MECOM: variants seen among roughly 807,000 people sequenced by gnomAD.
MECOM encodes the protein MDS1 and EVI1 complex locus.
Under a neutral mutation model 116.3 loss-of-function variants are expected in MECOM, and 13 were observed. The observed-to-expected ratio is 0.11, with a 90% CI of 0.07 to 0.18. The LOEUF (loss-of-function observed/expected upper bound fraction) is 0.18, where lower values mean the gene tolerates loss of function less well. Ranked by LOEUF, MECOM falls within the 10% of genes least tolerant of loss-of-function variation. The pLI is 1.00. For synonymous variants in MECOM, 528 were observed against 535.2 expected (o/e 0.99, Z 0.19); for missense variants, 1,299 against 1,509.0 (o/e 0.86, Z 2.31).
At chr3:169,130,349 A>T (rs2149197189) in intron 4 of MECOM, among the ~76,000 whole-genome samples, 1 of 152,292 alleles carries the variant, frequency 6.6e-6, no homozygotes, top group South Asian at 2.1e-4. Context: ...ATTGGGCCAG[A>T]CACCCTCTTC....
At chr3:169,470,121 A>T (rs1748960960) in intron 1 of MECOM, 1 of 152,232 alleles carries the variant, frequency 6.6e-6, no homozygotes, top group Admixed American at 6.5e-5. Flanking sequence ...AGTGTATATG[A>T]TTACAAACAA....
chr3:169,362,193 G>A (rs1728416518), intron 2 of MECOM, among the ~76,000 whole-genome samples: 1 of 151,788 alleles, frequency 6.6e-6, no homozygotes. Context: ...TATTTTGGAG[G>A]TTTTGTTTAT....
intron 2 of MECOM, chr3:169,146,167 T>G (rs1163195781): frequency 1.6e-5 from 17 of 1,057,342 alleles, no homozygotes; most frequent in Non-Finnish European, 2.0e-5. Context: ...TTAGGTAGAC[T>G]TTAGAGAAAG....
intron 1 of MECOM, among the ~76,000 whole-genome samples, chr3:169,653,206 T>C (rs1358389788): frequency 6.6e-6 from 1 of 152,138 alleles, no homozygotes; most frequent in Non-Finnish European, 1.5e-5. Context: ...CTGCACAGGT[T>C]TTACAGCCAA....
At chr3:169,289,729 G>T (rs773724058) in intron 2 of MECOM, among the ~76,000 whole-genome samples, 33 of 152,106 alleles carry the variant, frequency 2.2e-4, no homozygotes, top group Non-Finnish European at 3.2e-4. Flanking sequence ...TGTAGTGCTC[G>T]GGCAGGGGAA....
At chr3:169,135,871 A>AT (rs946264351) in intron 3 of MECOM, among the ~76,000 whole-genome samples, 3 of 151,852 alleles carry the variant, frequency 2.0e-5, no homozygotes, top group African/African-American at 7.2e-5. Flanking sequence ...TATTTTTAAA[A>AT]TTTGTTCAAA....
At chr3:169,661,323 A>ACT (rs1207730196) in intron 1 of MECOM, among the ~76,000 whole-genome samples, 2 of 113,762 alleles carry the variant, frequency 1.8e-5, no homozygotes, top group East Asian at 3.1e-4. Flanking sequence ...CCACACACAC[A>ACT]CTCTCTCTCT....
intron 1 of MECOM, among the ~76,000 whole-genome samples, chr3:169,499,838 T>G (rs555623898): frequency 2.0e-5 from 3 of 152,172 alleles, no homozygotes; most frequent in South Asian, 4.1e-4. Context: ...CTGCAGACAT[T>G]TTTAGGAAAA....
intron 2 of MECOM, among the ~76,000 whole-genome samples, chr3:169,179,817 C>T (rs1052119422): frequency 6.6e-6 from 1 of 152,114 alleles, no homozygotes; most frequent in Non-Finnish European, 1.5e-5. Flanking sequence ...TTCCTTCAGT[C>T]CAGCAGCCGG....
chr3:169,448,849 T>A (rs1745086943), intron 1 of MECOM, among the ~76,000 whole-genome samples: 1 of 152,190 alleles, frequency 6.6e-6, no homozygotes, highest in Non-Finnish European at 1.5e-5. Context: ...TACCATTAAA[T>A]ATTTAATACT....
At chr3:169,562,616 T>C (rs1762785610) in intron 1 of MECOM, among the ~76,000 whole-genome samples, 1 of 152,148 alleles carries the variant, frequency 6.6e-6, no homozygotes, top group Admixed American at 6.5e-5. Context: ...CTGGAAGATA[T>C]TGAGTTATCC....
chr3:169,523,029 G>A (rs1304693699), intron 1 of MECOM, among the ~76,000 whole-genome samples: 1 of 152,186 alleles, frequency 6.6e-6, no homozygotes, highest in Non-Finnish European at 1.5e-5. Flanking sequence ...TGTTATAGAT[G>A]ATTTTTGTAA....
chr3:169,405,713 G>A (rs187239530), intron 1 of MECOM, among the ~76,000 whole-genome samples: 2 of 152,088 alleles, frequency 1.3e-5, no homozygotes, highest in Non-Finnish European at 1.5e-5. Flanking sequence ...CTAATACTTA[G>A]GTACTTAACT....
At chr3:169,391,141 A>G (rs530241396) in intron 1 of MECOM, among the ~76,000 whole-genome samples, 2 of 152,316 alleles carry the variant, frequency 1.3e-5, no homozygotes, top group South Asian at 4.1e-4. Flanking sequence ...GCTTGCTGGT[A>G]AAACGGAATA....
At chr3:169,208,209 G>A (rs922758672) in intron 2 of MECOM, among the ~76,000 whole-genome samples, 5 of 142,028 alleles carry the variant, frequency 3.5e-5, no homozygotes, top group Middle Eastern at 3.6e-3. Flanking sequence ...ATATATATAT[G>A]TGTGTGTGTG....
intron 1 of MECOM, among the ~76,000 whole-genome samples, chr3:169,492,532 C>T (rs914402756): frequency 2.0e-5 from 3 of 151,994 alleles, no homozygotes; most frequent in Non-Finnish European, 2.9e-5. Flanking sequence ...TTGTGTTAAG[C>T]GCAGTCACAA....
At chr3:169,371,054 T>C (rs868750329) in intron 2 of MECOM, among the ~76,000 whole-genome samples, 4 of 152,102 alleles carry the variant, frequency 2.6e-5, no homozygotes, top group Middle Eastern at 6.8e-3. Context: ...CAATGAGATG[T>C]CTGCACTCAC....
intron 2 of MECOM, among the ~76,000 whole-genome samples, chr3:169,228,409 A>T (rs754730372): frequency 5.7e-4 from 86 of 152,198 alleles, no homozygotes; most frequent in Admixed American, 1.1e-3. Flanking sequence ...AAGGAACTGC[A>T]AAGCAGGAGA....
rs1054085686 is a variant in MECOM, at chr3:169,191,423, A to G, written c.376-47591T>C. On this transcript the variant is annotated intron_variant, in intron 2 of 16. Transcript: ENST00000651503. ...AAACTTCCCAGATGAAGGCAGGTCT[A>G]CGTTGAGACCTAAAGGAAAAGGGAG... Among the ~76,000 whole-genome samples, 10 of 152,034 alleles carry G rather than the reference A, an allele frequency of 6.6e-5. 1 individual carries two copies. The highest frequency in any genetic ancestry group is 2.6e-4 in the Admixed American group (4 of 15,226).
Sources: gnomAD v4.1 joint callset for allele counts (sites outside exome capture counted in the v4.1 genomes callset) on GRCh38, gnomAD v4.1.1 for gene constraint, MANE v1.5 for transcripts, NCBI Gene and HGNC (gene_info 2026-07-23, HGNC 2026-07-21) for gene names.